The following CMBL variants were observed in gnomAD, a reference collection of about 807,000 sequenced individuals.
CMBL encodes carboxymethylenebutenolidase homolog.
A neutral mutation model predicts 28.7 loss-of-function variants in CMBL; 17 were observed. The observed-to-expected ratio is 0.59, with a 90% CI of 0.41 to 0.89. The LOEUF (loss-of-function observed/expected upper bound fraction) is 0.89. Ranked by LOEUF, CMBL falls within the 40% of genes least tolerant of loss-of-function variation. The probability of loss-of-function intolerance (pLI) is 0.00; values close to 1 mark genes in which losing one functional copy is unlikely to be tolerated. For synonymous variants in CMBL, 106 were observed against 101.6 expected (o/e 1.04, Z -0.26); for missense variants, 310 against 298.5 (o/e 1.04, Z -0.28).
rs1746664885 is a variant in CMBL at position 10,289,474 on chromosome 5, C to T, written c.216-945G>A. 6.6e-6 allele frequency among the ~76,000 whole-genome samples: 1 copy of T among 152,194 alleles called. No individual in the cohort carries two copies. The highest frequency in any genetic ancestry group is 1.5e-5 in the Non-Finnish European group (1 of 68,038). On this transcript the variant is annotated intron_variant, in intron 2 of 5. Transcript: ENST00000296658. The surrounding 1 kb of genome is among the most constrained non-coding windows in gnomAD (Gnocchi z 4.3). ...AACAGAAACAGCAATGCCATTTGATCGGCTGCTTGGGCCAGTGATCTGGGG... is the reference window on the plus strand; with the variant it reads ...AACAGAAACAGCAATGCCATTTGATTGGCTGCTTGGGCCAGTGATCTGGGG...
At chr5:10,290,295 A>G (rs928404418) in intron 2 of CMBL, 39 of 496,532 alleles carry the variant, frequency 7.9e-5, no homozygotes, top group Middle Eastern at 5.7e-4. Context: ...AAGAATTCTC[A>G]ATGTCCAGCA....
chr5:10,283,398 T>C (rs1430444453), intron 4 of CMBL, among the ~76,000 whole-genome samples: 1 of 152,194 alleles, frequency 6.6e-6, no homozygotes, highest in Non-Finnish European at 1.5e-5. Flanking sequence ...AGCTGTCTTT[T>C]GAGTGGGTAT....
At chr5:10,301,696 G>A (rs1746903085) in intron 1 of CMBL, among the ~76,000 whole-genome samples, 1 of 148,434 alleles carries the variant, frequency 6.7e-6, no homozygotes. Context: ...CCGCCTCCCA[G>A]GTTCAAGCGA....
chr5:10,286,782 C>A (rs912381606), intron 3 of CMBL, among the ~76,000 whole-genome samples: 1 of 152,196 alleles, frequency 6.6e-6, no homozygotes, highest in Non-Finnish European at 1.5e-5. Flanking sequence ...GCTGAGCAGT[C>A]TTCCACAGCC....
intron 4 of CMBL, among the ~76,000 whole-genome samples, chr5:10,284,057 G>T (rs1746551271): frequency 6.6e-6 from 1 of 152,228 alleles, no homozygotes; most frequent in African/African-American, 2.4e-5. Flanking sequence ...CCACGGGAAA[G>T]GTGACCACGC....
Position 10,282,299 on chromosome 5 carries a change from A to T in CMBL, c.467-11T>A, listed in dbSNP as rs1746508664. 6.6e-7 allele frequency: 1 copy of T among 1,510,268 alleles called. No homozygotes were observed. 93.6% of individuals were successfully genotyped at this position (1,510,268 alleles called of 1,614,324 possible). On this transcript the variant is annotated splice_polypyrimidine_tract_variant and intron_variant, in intron 4 of 5. Transcript: ENST00000296658. Reference sequence around the variant, plus strand: ...AATCCTTGACAATGCCTGAAAAACAAGCACAGAGGCATGATGTCTGATCCC... The same window carrying T: ...AATCCTTGACAATGCCTGAAAAACATGCACAGAGGCATGATGTCTGATCCC...
chr5:10,288,384 C>T, intron 3 of CMBL, 38 bp downstream of exon 3: 3 of 1,499,280 alleles, frequency 2.0e-6, no homozygotes, highest in Non-Finnish European at 2.8e-6. Flanking sequence ...CCTCCCTGGG[C>T]CACAACGTGC....
rs758977998 is a variant in CMBL, at chr5:10,290,698, C to A, written c.65G>T (p.Gly22Val). 2 of 1,614,198 alleles carry A rather than the reference C, an allele frequency of 1.2e-6. No individual in the cohort carries two copies. The highest frequency in any genetic ancestry group is 2.2e-5 in the South Asian group (2 of 91,086). The change falls in exon 2 of 6, where the codon GGC becomes GTC. Residue 22 changes from glycine to valine, a missense_variant. Coordinates refer to ENST00000296658, the MANE Select transcript of CMBL (RefSeq NM_138809.4). ...GATGTGCTCGACTTGAACTTCACGG[C>A]CTAGCCCTCCATACTCAAGTCTGTG... ...IGHRLEYGGLGREVQVEHIKA... is the reference protein window; with the variant it reads ...IGHRLEYGGLVREVQVEHIKA...
chr5:10,290,577 T>C lies in CMBL; in HGVS notation c.186A>G (p.Ile62Met). 1 of 1,614,066 alleles carries C rather than the reference T, an allele frequency of 6.2e-7. No homozygotes were observed. Among genetic ancestry groups the C allele is most frequent in the Non-Finnish European group, 8.5e-7 (1 of 1,179,864 alleles). ...FGWQLPNTRY[I>M]ADMISGNGYT... The stretch of plus-strand genomic sequence containing the variant: ...ATCCATTTCCTGAGATCATGTCAGC[T>C]ATATATCTGGTATTGGGCAACTGCC... Residue 62 changes from isoleucine to methionine, a missense_variant, in exon 2 of 6, where the codon ATA (isoleucine) becomes ATG (methionine). Physicochemically the swap from Ile to Met is conservative, Grantham distance 10. Transcript: ENST00000296658.
chr5:10,299,667 C>G (rs1746861927), intron 1 of CMBL, among the ~76,000 whole-genome samples: 1 of 150,448 alleles, frequency 6.6e-6, no homozygotes, highest in Non-Finnish European at 1.5e-5. Context: ...TGGTAAAACC[C>G]CATCTCTCCA....
chr5:10,285,703 T>TC (rs1746588401), intron 4 of CMBL, among the ~76,000 whole-genome samples: 1 of 148,120 alleles, frequency 6.8e-6, no homozygotes, highest in African/African-American at 2.5e-5. Flanking sequence ...TCTTTTTCTT[T>TC]TTTTTTTTTT....
At chr5:10,296,274 G>A (rs1001549687) in intron 1 of CMBL, among the ~76,000 whole-genome samples, 1 of 152,078 alleles carries the variant, frequency 6.6e-6, no homozygotes, top group Non-Finnish European at 1.5e-5. Context: ...AAGAATGACT[G>A]TATGTGGGTT....
At chr5:10,283,368 G>T (rs1746538106) in intron 4 of CMBL, among the ~76,000 whole-genome samples, 3 of 152,176 alleles carry the variant, frequency 2.0e-5, no homozygotes, top group Admixed American at 1.3e-4. Context: ...AATGCACTGA[G>T]TAGTTTTGTT....
chr5:10,285,670 G>GTCTTTCTT (rs1464722635), intron 4 of CMBL, among the ~76,000 whole-genome samples: 1 of 83,366 alleles, frequency 1.2e-5, no homozygotes, highest in African/African-American at 4.9e-5. Flanking sequence ...GGAAAAATCA[G>GTCTTTCTT]TCTTTCTTTC....
rs753529555 is a variant in CMBL at position 10,280,542 on chromosome 5, G to A, written c.649C>T (p.Arg217Trp). ...GCAGGTGAGCAATCTTCTCTCTTCC[G>A]ATGCACGAACCCATGAGTCTGCCCA... ...FSGQTHGFVH[R>W]KREDCSPADK... Residue 217 changes from arginine to tryptophan, a missense_variant, in exon 6 of 6, where the codon CGG (arginine) becomes TGG (tryptophan). Coordinates refer to ENST00000296658, the MANE Select transcript of CMBL (RefSeq NM_138809.4). The A allele has an allele frequency of 2.5e-5, 41 of 1,613,708 alleles. No individual in the cohort carries two copies. The highest frequency in any genetic ancestry group is 3.1e-5 in the Non-Finnish European group (37 of 1,179,800).
intron 2 of CMBL, 39 bp downstream of exon 2, chr5:10,290,509 T>G (rs1486550252): frequency 6.5e-7 from 1 of 1,544,804 alleles, no homozygotes; most frequent in African/African-American, 1.4e-5. Context: ...CACTGAAATT[T>G]GTATGAATTT....
At chr5:10,302,331 G>A (rs1373938821) in intron 1 of CMBL, among the ~76,000 whole-genome samples, 1 of 152,202 alleles carries the variant, frequency 6.6e-6, no homozygotes, top group African/African-American at 2.4e-5. Flanking sequence ...AAAGAAACCT[G>A]TAAAACTAAT....
chr5:10,290,169 T>C (rs1327436360), intron 2 of CMBL, among the ~76,000 whole-genome samples: 1 of 152,206 alleles, frequency 6.6e-6, no homozygotes, highest in African/African-American at 2.4e-5. Context: ...AAATGGGCCG[T>C]GAAATCTGAC....
Position 10,279,788 on chromosome 5 carries a change from C to T in CMBL, c.*665G>A, listed in dbSNP as rs889471055. 6.6e-6 allele frequency: 1 copy of T among 152,022 alleles called. No homozygotes were observed. Among genetic ancestry groups the T allele is most frequent in the Admixed American group, 6.6e-5 (1 of 15,244 alleles). 9.4% of individuals were successfully genotyped at this position (152,022 alleles called of 1,614,324 possible). A position where few individuals can be genotyped will look rare whatever the true frequency, so the allele number is the denominator to read the frequency against. ...CTCCTGACCTCAAGTGATCCACCCACCTCGGCCTCCCAAAGTGCTGGGATT... is the reference window on the plus strand; with the variant it reads ...CTCCTGACCTCAAGTGATCCACCCATCTCGGCCTCCCAAAGTGCTGGGATT... On this transcript the variant is annotated 3_prime_UTR_variant, in exon 6 of 6. Coordinates refer to ENST00000296658, the MANE Select transcript of CMBL (RefSeq NM_138809.4).
Sources: gnomAD v4.1 joint callset for allele counts (sites outside exome capture counted in the v4.1 genomes callset) on GRCh38, gnomAD v4.1.1 for gene constraint, Gnocchi (gnomAD v3.1) non-coding constraint, MANE v1.5 for transcripts, NCBI Gene and HGNC (gene_info 2026-07-23, HGNC 2026-07-21) for gene names.